Variants in HPS3 observed in about 807,000 individuals in gnomAD.
The protein encoded by HPS3 is BLOC-2 complex member HPS3.
A neutral mutation model predicts 110.9 loss-of-function variants in HPS3; 79 were observed. The ratio of observed to expected loss-of-function variants is 0.71; its 90% CI spans 0.59 to 0.86. The LOEUF (loss-of-function observed/expected upper bound fraction) is 0.86. Among genes scored for constraint, HPS3 ranks in the 40% least tolerant of loss-of-function variants. HPS3 has a pLI of 0.00. For synonymous variants in HPS3, 428 were observed against 451.0 expected (o/e 0.95, Z 0.65); for missense variants, 1,197 against 1,206.2 (o/e 0.99, Z 0.11).
chr3:149,172,210 A>G lies in HPS3; in HGVS notation c.3003A>G (p.Lys1001=). ...LPYLLYCSRK[K]PLT is the part of the protein sequence containing the mutation. The stretch of plus-strand genomic sequence containing the variant: ...ATCTTCTCTATTGCAGTCGAAAGAA[A>G]CCATTGACTTAAAGGTATCATTTGA... The change falls in exon 17 of 17, where the codon AAA becomes AAG. Residue 1001 remains lysine (K), a synonymous_variant. Transcript: ENST00000296051. 1 of 1,613,502 alleles carries G rather than the reference A, an allele frequency of 6.2e-7. No individual in the cohort carries two copies. The highest frequency in any genetic ancestry group is 8.5e-7 in the Non-Finnish European group (1 of 1,179,646).
chr3:149,152,228 A>G (rs563255483), intron 6 of HPS3, among the ~76,000 whole-genome samples: 40 of 152,310 alleles, frequency 2.6e-4, no homozygotes, highest in African/African-American at 8.7e-4. Context: ...TAAAACTTCC[A>G]TTCTTTGTCC....
At chr3:149,154,058 T>C (rs1431871812) in intron 7 of HPS3, 2 of 208,234 alleles carry the variant, frequency 9.6e-6, no homozygotes, top group African/African-American at 4.8e-5. Context: ...ATTAATAATG[T>C]ATGTCTTACC....
At position 149,140,155 on chromosome 3, in the gene HPS3, C is replaced by G; in HGVS notation, c.369C>G (p.Asp123Glu). Residue 123 changes from aspartate to glutamate, a missense_variant, in exon 2 of 17, where the codon GAC (aspartate) becomes GAG (glutamate). Physicochemically the swap from Asp to Glu is conservative, Grantham distance 45. Transcript: ENST00000296051. ...GACCATTCAGCAAAGCCTTCAGAGACCAGATGTACATTATTGAAATGCCGC... is the reference window on the plus strand; with the variant it reads ...GACCATTCAGCAAAGCCTTCAGAGAGCAGATGTACATTATTGAAATGCCGC... ...VEGPFSKAFR[D>E]QMYIIEMPLS... 6.2e-7 allele frequency: 1 copy of G among 1,614,110 alleles called. No individual in the cohort carries two copies.
intron 1 of HPS3, 82 bp downstream of exon 1, chr3:149,130,022 C>T (rs1721658709): frequency 2.3e-6 from 3 of 1,323,754 alleles, no homozygotes; most frequent in Non-Finnish European, 3.1e-6. Flanking sequence ...TGGGCTGTAG[C>T]TCTAGCTAGG....
chr3:149,168,096 A>G, intron 16 of HPS3, 113 bp downstream of exon 16: 1 of 715,950 alleles, frequency 1.4e-6, no homozygotes, highest in Non-Finnish European at 2.6e-6. Flanking sequence ...GGCCTTTCAG[A>G]ACCATCTGGG....
Position 149,145,563 on chromosome 3 carries a change from A to C in HPS3, c.1163+17A>C. 1 of 1,605,662 alleles carries C rather than the reference A, an allele frequency of 6.2e-7. No individual in the cohort carries two copies. The highest frequency in any genetic ancestry group is 1.1e-5 in the South Asian group (1 of 90,934). ...CATTACAAGGTACTGTTAGAGGGTC[A>C]CTTGCTGGCCTGTGAGTCACTTATT... On this transcript the variant is annotated intron_variant, in intron 5 of 16. Transcript: ENST00000296051.
At chr3:149,141,521 TTTTTTTTTTG>T (rs1318253969) in intron 4 of HPS3, 141 bp downstream of exon 4, 16 of 623,998 alleles carry the variant, frequency 2.6e-5, no homozygotes, top group Admixed American at 3.1e-5. Flanking sequence ...TTAACAAAGT[TTTTTTTTTTG>T]TTTTTTTTTT....
intron 1 of HPS3, 100 bp downstream of exon 1, chr3:149,130,040 C>T: frequency 8.6e-7 from 1 of 1,167,156 alleles, no homozygotes; most frequent in Non-Finnish European, 1.2e-6. Flanking sequence ...AGGGATGGGA[C>T]TTCTTGCTTC....
rs200625464 is a variant in HPS3, at chr3:149,150,668, C to T, written c.1233C>T (p.Asp411=). ...AAAREEDPYM[D]TTLKACPPVS... ...CTCGTGAGGAGGACCCGTACATGGA[C>T]ACCACCCTGAAGGTAAGAACTGGCT... is the stretch of plus-strand genomic sequence containing the variant. Residue 411 remains aspartate (D), a synonymous_variant, in exon 6 of 17, where the codon GAC becomes GAT. Transcript: ENST00000296051. 3.7e-6 allele frequency: 6 copies of T among 1,613,198 alleles called. No individual in the cohort carries two copies. Among genetic ancestry groups the T allele is most frequent in the Admixed American group, 3.3e-5 (2 of 60,026 alleles).
At chr3:149,150,515 C>G in intron 5 of HPS3, 84 bp from the exon 6 acceptor site, 1 of 1,005,070 alleles carries the variant, frequency 9.9e-7, no homozygotes, top group Non-Finnish European at 1.6e-6. Flanking sequence ...GCCCATTGCC[C>G]TGTTTGCCTG....
chr3:149,152,528 G>C (rs906811797), intron 6 of HPS3, among the ~76,000 whole-genome samples: 5 of 152,114 alleles, frequency 3.3e-5, no homozygotes, highest in African/African-American at 1.2e-4. Context: ...TCCTTTCCTG[G>C]GACTCCACCA....
chr3:149,159,907 A>G (rs1023586655), intron 10 of HPS3, 139 bp from the exon 11 acceptor site: 1 of 680,572 alleles, frequency 1.5e-6, no homozygotes, highest in Non-Finnish European at 2.6e-6. Flanking sequence ...GTCTTTTTAA[A>G]ATTAAAACAT....
At chr3:149,146,828 T>C (rs1301621509) in intron 5 of HPS3, among the ~76,000 whole-genome samples, 1 of 152,200 alleles carries the variant, frequency 6.6e-6, no homozygotes, top group Non-Finnish European at 1.5e-5. Context: ...AGACAGGTGG[T>C]GAAAACAGTG....
chr3:149,141,287 A>G lies in HPS3; in HGVS notation c.885-8A>G. 6.2e-7 allele frequency: 1 copy of G among 1,611,860 alleles called. No homozygotes were observed. Among genetic ancestry groups the G allele is most frequent in the East Asian group, 2.2e-5 (1 of 44,794 alleles). Reference sequence around the variant, plus strand: ...TTTTTCCCTTTCTCTGTCTTTTTAAACCCACAGACGTTTTGCTCCTGATAT... The same window carrying G: ...TTTTTCCCTTTCTCTGTCTTTTTAAGCCCACAGACGTTTTGCTCCTGATAT... On this transcript the variant is annotated splice_region_variant and splice_polypyrimidine_tract_variant and intron_variant, in intron 3 of 16. Coordinates refer to ENST00000296051, the MANE Select transcript of HPS3 (RefSeq NM_032383.5).
intron 15 of HPS3, 152 bp downstream of exon 15, chr3:149,167,392 G>A (rs1380903642): frequency 2.2e-5 from 15 of 687,688 alleles, no homozygotes; most frequent in Non-Finnish European, 1.8e-5. Context: ...AATATGTTAC[G>A]TGTTTTGAGT....
chr3:149,165,461 C>T, intron 14 of HPS3, among the ~76,000 whole-genome samples: 1 of 149,562 alleles, frequency 6.7e-6, no homozygotes, highest in East Asian at 2.0e-4. Context: ...GAAGGAGAAA[C>T]ATAGTCTGCC....
chr3:149,130,593 A>C (rs1721705747), intron 1 of HPS3: 1 of 152,332 alleles, frequency 6.6e-6, no homozygotes, highest in Non-Finnish European at 1.5e-5. Context: ...CAGCCTGGTC[A>C]ATTTATTGAA....
At chr3:149,169,031 G>A (rs1249147186) in intron 16 of HPS3, among the ~76,000 whole-genome samples, 1 of 149,884 alleles carries the variant, frequency 6.7e-6, no homozygotes, top group African/African-American at 2.5e-5. Flanking sequence ...ATATATTTGT[G>A]TGCATACGTG....
chr3:149,133,988 T>TAA (rs1553750663), intron 1 of HPS3, among the ~76,000 whole-genome samples: 4 of 151,810 alleles, frequency 2.6e-5, no homozygotes, highest in African/African-American at 4.8e-5. Flanking sequence ...TGTTTTTTTT[T>TAA]AAAAAAAATG....
Sources: allele counts gnomAD v4.1 joint callset (sites outside exome capture counted in the v4.1 genomes callset), GRCh38; gene constraint gnomAD v4.1.1; transcripts MANE v1.5; gene names NCBI Gene and HGNC (gene_info 2026-07-23, HGNC 2026-07-21).